Variants in NBAS observed in about 807,000 individuals in gnomAD.
The protein encoded by NBAS is NBAS subunit of NRZ tethering complex.
NBAS carries 219 observed loss-of-function variants against 302.5 expected under a neutral mutation model. That is an observed-to-expected ratio of 0.72 (90% confidence interval 0.65 to 0.81). NBAS has a LOEUF of 0.81. NBAS is among the 30% of genes least tolerant of loss of function. The probability of loss-of-function intolerance (pLI) is 0.00; values close to 1 mark genes in which losing one functional copy is unlikely to be tolerated. For synonymous variants in NBAS, 1,118 were observed against 1,021.6 expected (o/e 1.09, Z -1.80); for missense variants, 2,932 against 2,841.6 (o/e 1.03, Z -0.72).
At chr2:15,420,711 C>G (rs566340964) in intron 23 of NBAS, among the ~76,000 whole-genome samples, 2 of 152,116 alleles carry the variant, frequency 1.3e-5, no homozygotes, top group African/African-American at 4.8e-5. Flanking sequence ...TCGGGAAAAG[C>G]TGGAAGGAGC....
chr2:14,998,506 C>A, the NBAS span, among the ~76,000 whole-genome samples: 2 of 152,052 alleles, frequency 1.3e-5, no homozygotes, highest in Non-Finnish European at 2.9e-5. Flanking sequence ...CTACGTGAAG[C>A]CCAGAAAAGA....
the NBAS span, among the ~76,000 whole-genome samples, chr2:14,987,142 C>G: frequency 1.3e-5 from 2 of 151,890 alleles, no homozygotes; most frequent in South Asian, 4.1e-4. Context: ...AATGCTATAT[C>G]TTTTAATAGA....
chr2:14,826,840 G>T, the NBAS span, among the ~76,000 whole-genome samples: 1 of 152,166 alleles, frequency 6.6e-6, no homozygotes. Flanking sequence ...GAAGAAGTTT[G>T]GTCCAGCCCC....
chr2:15,401,500 T>C (rs1196676593), intron 26 of NBAS, among the ~76,000 whole-genome samples: 1 of 152,138 alleles, frequency 6.6e-6, no homozygotes, highest in Non-Finnish European at 1.5e-5. Context: ...AGAAGTAAAG[T>C]GACTTGGTTA....
rs537872373 is a variant in NBAS, at chr2:15,387,701, G to A, written c.3258-4384C>T. 8.6e-5 allele frequency among the ~76,000 whole-genome samples: 13 copies of A among 151,164 alleles called. 1 individual carries two copies. In the South Asian group the frequency reaches 1.5e-3, roughly 17 times the overall value. ...GGCTGGAGTGCAGTGGCAAGATCTCGGCTCAATGCAACCTCCACTTCCTGG... is the reference window on the plus strand; with the variant it reads ...GGCTGGAGTGCAGTGGCAAGATCTCAGCTCAATGCAACCTCCACTTCCTGG... On this transcript the variant is annotated intron_variant, in intron 28 of 51. Coordinates refer to ENST00000281513, the MANE Select transcript of NBAS (RefSeq NM_015909.4).
chr2:15,108,713 A>G, the NBAS span, among the ~76,000 whole-genome samples: 1 of 152,140 alleles, frequency 6.6e-6, no homozygotes, highest in Non-Finnish European at 1.5e-5. Flanking sequence ...ATAGTTTTGA[A>G]ATCCATAATT....
At chr2:15,520,752 T>A (rs1057349049) in intron 9 of NBAS, among the ~76,000 whole-genome samples, 1 of 152,122 alleles carries the variant, frequency 6.6e-6, no homozygotes, top group African/African-American at 2.4e-5. Context: ...TTCAACAATT[T>A]AAAAAATATA....
intron 32 of NBAS, among the ~76,000 whole-genome samples, chr2:15,364,061 C>G (rs1674071828): frequency 6.6e-6 from 1 of 152,186 alleles, no homozygotes; most frequent in African/African-American, 2.4e-5. Context: ...AGGACTGAGG[C>G]CCCCTGCCAA....
intron 40 of NBAS, among the ~76,000 whole-genome samples, chr2:15,299,487 T>G (rs558210552): frequency 6.6e-6 from 1 of 152,312 alleles, no homozygotes; most frequent in African/African-American, 2.4e-5. Flanking sequence ...TTTAAACAGG[T>G]GGTGTGTTTC....
the NBAS span, among the ~76,000 whole-genome samples, chr2:15,120,920 A>G: frequency 0.46 from 70,250 of 152,104 alleles, 18,882 homozygotes; most frequent in Non-Finnish European, 0.58. Flanking sequence ...CTTTCTGCAC[A>G]TGACCTTTTC....
At chr2:14,943,208 T>G in the NBAS span, among the ~76,000 whole-genome samples, 1 of 152,200 alleles carries the variant, frequency 6.6e-6, no homozygotes, top group East Asian at 1.9e-4. Flanking sequence ...ACCAAAACCT[T>G]CAGAATGAAA....
At chr2:14,941,371 T>C in the NBAS span, among the ~76,000 whole-genome samples, 1 of 152,194 alleles carries the variant, frequency 6.6e-6, no homozygotes, top group Non-Finnish European at 1.5e-5. Context: ...AGCCTCTACA[T>C]GTGGGCCTCT....
At chr2:15,318,806 G>T (rs6732362) in intron 38 of NBAS, among the ~76,000 whole-genome samples, 82,877 of 151,880 alleles carry the variant, frequency 0.55, 24,136 homozygotes, top group East Asian at 0.85. Flanking sequence ...AATGGGAGAC[G>T]TTAACACCCC....
At chr2:14,981,389 C>T in the NBAS span, among the ~76,000 whole-genome samples, 896 of 152,296 alleles carry the variant, frequency 5.9e-3, 11 homozygotes, top group African/African-American at 0.019. Context: ...AAATGGAAGG[C>T]CAGACTAAGT....
intron 38 of NBAS, among the ~76,000 whole-genome samples, chr2:15,318,880 A>G (rs1263472445): frequency 6.6e-6 from 1 of 152,214 alleles, no homozygotes; most frequent in African/African-American, 2.4e-5. Flanking sequence ...ACTTGAAATC[A>G]GCTCTGGACC....
At chr2:15,043,667 C>G in the NBAS span, among the ~76,000 whole-genome samples, 3 of 152,320 alleles carry the variant, frequency 2.0e-5, no homozygotes, top group East Asian at 3.9e-4. Flanking sequence ...GCCCTCTCCC[C>G]CTTAATCACA....
intron 31 of NBAS, among the ~76,000 whole-genome samples, chr2:15,374,119 T>C (rs1050238309): frequency 1.3e-5 from 2 of 152,242 alleles, no homozygotes; most frequent in Non-Finnish European, 1.5e-5. Context: ...ATATCTCTAG[T>C]AATTAAATTC....
intron 35 of NBAS, among the ~76,000 whole-genome samples, chr2:15,341,258 C>T (rs867404825): frequency 7.9e-5 from 12 of 152,194 alleles, no homozygotes; most frequent in Middle Eastern, 3.4e-3. Flanking sequence ...TGGTGGCACA[C>T]ACCTTTAATC....
chr2:15,140,585 T>C, the NBAS span, among the ~76,000 whole-genome samples: 1 of 152,210 alleles, frequency 6.6e-6, no homozygotes, highest in African/African-American at 2.4e-5. Context: ...GGAAAGCATT[T>C]GGTAAATATA....
Sources: allele counts gnomAD v4.1 joint callset (sites outside exome capture counted in the v4.1 genomes callset), GRCh38; gene constraint gnomAD v4.1.1; transcripts MANE v1.5; gene names NCBI Gene and HGNC (gene_info 2026-07-23, HGNC 2026-07-21).